PRKACB: variants seen among roughly 807,000 people sequenced by gnomAD.
The protein encoded by PRKACB is protein kinase cAMP-activated catalytic subunit beta.
In PRKACB, 16 loss-of-function variants were observed where a neutral mutation model predicts 51.4. The ratio of observed to expected loss-of-function variants is 0.31; its 90% confidence interval spans 0.21 to 0.47. The LOEUF is 0.47. Among genes scored for constraint, PRKACB ranks in the 20% least tolerant of loss-of-function variants. PRKACB has a pLI of 1.00. For synonymous variants in PRKACB, 147 were observed against 154.4 expected (o/e 0.95, Z 0.35); for missense variants, 309 against 464.5 (o/e 0.67, Z 3.08).
intron 9 of PRKACB, among the ~76,000 whole-genome samples, chr1:84,234,804 G>A (rs1056008732): frequency 8.5e-5 from 13 of 152,132 alleles, no homozygotes; most frequent in East Asian, 1.9e-4. Context: ...ACTGACCTGC[G>A]CCCACTGTCT....
intron 1 of PRKACB, among the ~76,000 whole-genome samples, chr1:84,150,779 C>A (rs946199997): frequency 5.9e-5 from 9 of 152,068 alleles, no homozygotes; most frequent in African/African-American, 2.2e-4. Context: ...CAAAATAAAT[C>A]TCTTTATAAA....
rs116630098 is a variant in PRKACB, at chr1:84,173,293, G to A, written c.188-5884G>A. ...ACTTCTTGTAGGTATGTTATTTTATGTGTTATTTAATCTCTGTTTATTCTT... is the reference window on the plus strand; with the variant it reads ...ACTTCTTGTAGGTATGTTATTTTATATGTTATTTAATCTCTGTTTATTCTT... On this transcript the variant is annotated intron_variant, in intron 1 of 9. Transcript: ENST00000370685. 3.5e-3 allele frequency: 5,296 copies of A among 1,524,446 alleles called. 123 individuals carry two copies. In the African/African-American group the frequency reaches 0.046, roughly 13 times the overall value. 94.4% of individuals were successfully genotyped at this position (1,524,446 alleles called of 1,614,324 possible).
At chr1:84,139,729 G>A (rs1434947854), upstream of PRKACB, among the ~76,000 whole-genome samples, 3 of 152,136 alleles carry the variant, frequency 2.0e-5, no homozygotes, top group Non-Finnish European at 2.9e-5. Context: ...TATATGGAAA[G>A]GTGAAGAAAC....
chr1:84,123,543 AAG>A (rs1259840520), intron 1 of PRKACB, among the ~76,000 whole-genome samples: 1 of 152,194 alleles, frequency 6.6e-6, no homozygotes, highest in Non-Finnish European at 1.5e-5. Context: ...TATTAAAAAA[AAG>A]AATTTGGGAA....
intron 1 of PRKACB, among the ~76,000 whole-genome samples, chr1:84,084,113 G>A (rs1343714540): frequency 6.6e-6 from 1 of 152,152 alleles, no homozygotes; most frequent in African/African-American, 2.4e-5. Context: ...GGAGGAAGAG[G>A]TTCAAAAAGG....
intron 7 of PRKACB, among the ~76,000 whole-genome samples, chr1:84,200,367 T>C (rs545986376): frequency 1.3e-5 from 2 of 152,314 alleles, no homozygotes; most frequent in South Asian, 2.1e-4. Flanking sequence ...AAGTTCCTCA[T>C]AGATGCTGGA....
chr1:84,132,152 G>A (rs1186169572), intron 1 of PRKACB, among the ~76,000 whole-genome samples: 3 of 152,110 alleles, frequency 2.0e-5, no homozygotes, highest in Admixed American at 2.0e-4. Context: ...GAGAAAATAG[G>A]CAAAGTAAAA....
chr1:84,085,856 C>T lies in PRKACB; in HGVS notation c.46+7485C>T, dbSNP rs1290649232. 5.3e-6 allele frequency: 3 copies of T among 566,776 alleles called. No individual in the cohort carries two copies. In the East Asian group the frequency reaches 8.6e-5, roughly 16 times the overall value. 35.1% of individuals were successfully genotyped at this position (566,776 alleles called of 1,614,324 possible). ...GCCCTGCAGACCCCACAGTGCAGTC[C>T]TGGTGGCCTGGCTGTAACACCCAAC... On this transcript the variant is annotated intron_variant, in intron 1 of 8. Transcript: ENST00000370688.
At position 84,117,203 on chromosome 1, in the gene PRKACB, G is replaced by T. The variant is rs185326483; in HGVS notation, c.46+38832G>T. 3.8e-3 allele frequency among the ~76,000 whole-genome samples: 572 copies of T among 152,178 alleles called. 2 individuals are homozygous for T. The highest frequency in any genetic ancestry group is 0.012 in the African/African-American group (512 of 41,518). Reference sequence around the variant, plus strand: ...TCTTTTTGATGTGCTATTGGATTTGGTTTAGTAGTATTTTGTTGAGGATTT... The same window carrying T: ...TCTTTTTGATGTGCTATTGGATTTGTTTTAGTAGTATTTTGTTGAGGATTT... On this transcript the variant is annotated intron_variant, in intron 1 of 8. Coordinates refer to the PRKACB transcript ENST00000370688.
chr1:84,105,555 ATTTATTTATTTATTTAT>A (rs1204744293), intron 1 of PRKACB, among the ~76,000 whole-genome samples: 1 of 44,028 alleles, frequency 2.3e-5, no homozygotes, highest in African/African-American at 5.7e-5. Context: ...TTATTTATTT[ATTTATTTATTTATTTAT>A]TTATTTATTT....
Position 84,184,149 on chromosome 1 carries a change from A to G in PRKACB, c.477+14A>G. 1.9e-6 allele frequency: 3 copies of G among 1,577,218 alleles called. No individual in the cohort carries two copies. The highest frequency in any genetic ancestry group is 2.6e-6 in the Non-Finnish European group (3 of 1,165,082). ...TATGCTTTTAAGGTAAATTTTAGTA[A>G]TATCTAAATAAGATATTTTCAACCT... On this transcript the variant is annotated intron_variant, in intron 4 of 9. Coordinates refer to ENST00000370685, the MANE Select transcript of PRKACB (RefSeq NM_182948.4).
intron 8 of PRKACB, chr1:84,205,235 G>A: frequency 1.0e-6 from 1 of 984,804 alleles, no homozygotes; most frequent in Non-Finnish European, 1.2e-6. Flanking sequence ...AAAAGGCTCT[G>A]TATTATGTGA....
At chr1:84,086,339 CA>C in intron 1 of PRKACB, 1 of 714,876 alleles carries the variant, frequency 1.4e-6, no homozygotes. Context: ...AGGCTCCAGC[CA>C]TGAGTGCTTC....
chr1:84,084,428 G>A (rs981677441), intron 1 of PRKACB, among the ~76,000 whole-genome samples: 3 of 152,136 alleles, frequency 2.0e-5, no homozygotes, highest in Non-Finnish European at 4.4e-5. Context: ...GGGAGCCATC[G>A]TGCACTTGGA....
chr1:84,204,097 T>C (rs1670904560), intron 8 of PRKACB, among the ~76,000 whole-genome samples: 1 of 151,986 alleles, frequency 6.6e-6, no homozygotes, highest in East Asian at 1.9e-4. Context: ...CCAATAGAAT[T>C]AGTCTATCCA....
At chr1:84,128,180 T>C (rs1651822851) in intron 1 of PRKACB, among the ~76,000 whole-genome samples, 1 of 151,928 alleles carries the variant, frequency 6.6e-6, no homozygotes, top group Admixed American at 6.6e-5. Flanking sequence ...AGCTAATTTT[T>C]GTCTTTTTAG....
intron 8 of PRKACB, 44 bp downstream of exon 8, chr1:84,202,849 A>G: frequency 6.8e-7 from 1 of 1,478,058 alleles, no homozygotes; most frequent in Non-Finnish European, 9.2e-7. Flanking sequence ...ACTGTATATG[A>G]ATTTTAAGCT....
intron 1 of PRKACB, among the ~76,000 whole-genome samples, chr1:84,163,552 C>G (rs767686954): frequency 6.6e-6 from 1 of 151,966 alleles, no homozygotes; most frequent in Non-Finnish European, 1.5e-5. Context: ...ATGACCAGCC[C>G]TACCCTGGTA....
At chr1:84,215,874 T>C (rs984901757) in intron 9 of PRKACB, among the ~76,000 whole-genome samples, 7 of 152,174 alleles carry the variant, frequency 4.6e-5, no homozygotes, top group Non-Finnish European at 1.0e-4. Flanking sequence ...ATTTAATTTT[T>C]TTCTTCTTTT....
Sources: gnomAD v4.1 joint callset for allele counts (sites outside exome capture counted in the v4.1 genomes callset) on GRCh38, gnomAD v4.1.1 for gene constraint, MANE v1.5 for transcripts, NCBI Gene and HGNC (gene_info 2026-07-23, HGNC 2026-07-21) for gene names.